The following ANKRD30B variants were observed in gnomAD, a reference collection of about 807,000 sequenced individuals.
ANKRD30B encodes the protein ankyrin repeat domain-containing protein 30B.
ANKRD30B carries 144 observed loss-of-function variants against 202.2 expected under a neutral mutation model. That is an observed-to-expected ratio of 0.71 (90% CI 0.62 to 0.82). The LOEUF (loss-of-function observed/expected upper bound fraction) is 0.82, where lower values mean the gene tolerates loss of function less well. ANKRD30B is among the 40% of genes least tolerant of loss of function. The pLI is 0.00. For missense variants in ANKRD30B, 1,487 were observed against 1,669.1 expected (o/e 0.89, Z 1.90); for synonymous variants, 508 against 561.3 (o/e 0.91, Z 1.34).
At chr18:14,790,602 G>A (rs553498735) in intron 15 of ANKRD30B, among the ~76,000 whole-genome samples, 1 of 152,240 alleles carries the variant, frequency 6.6e-6, no homozygotes, top group Admixed American at 6.5e-5. Flanking sequence ...AGCATGAAGG[G>A]TTGTTGAATT....
the ANKRD30B span, among the ~76,000 whole-genome samples, chr18:14,911,071 G>T: frequency 4.6e-5 from 7 of 151,892 alleles, no homozygotes; most frequent in Admixed American, 3.9e-4. Flanking sequence ...TCTGTAGGTT[G>T]TCTGTTTACT....
intron 14 of ANKRD30B, among the ~76,000 whole-genome samples, chr18:14,786,044 CAAAAAAAAAAAAA>C (rs10572502): frequency 2.8e-5 from 2 of 72,714 alleles, no homozygotes; most frequent in Admixed American, 4.8e-4. Flanking sequence ...GACTCCGTCT[CAAAAAAAAAAAAA>C]AAAAAAAAAA....
At chr18:14,753,071 C>T in intron 3 of ANKRD30B, 59 bp downstream of exon 3, 2 of 1,361,384 alleles carry the variant, frequency 1.5e-6, no homozygotes, top group East Asian at 2.5e-5. Context: ...TTAATGTTAA[C>T]ATATGTAAGG....
intron 15 of ANKRD30B, among the ~76,000 whole-genome samples, chr18:14,791,022 G>A (rs981215078): frequency 9.9e-5 from 15 of 152,172 alleles, no homozygotes; most frequent in African/African-American, 3.6e-4. Context: ...ATCTGGTCCT[G>A]GACTCTTTTT....
At chr18:14,819,503 G>T (rs565762890) in intron 30 of ANKRD30B, among the ~76,000 whole-genome samples, 1 of 151,770 alleles carries the variant, frequency 6.6e-6, no homozygotes, top group Non-Finnish European at 1.5e-5. Context: ...TAGGTCTAAC[G>T]TTTAAGTCTT....
At chr18:14,789,410 C>G (rs558939271) in intron 15 of ANKRD30B, among the ~76,000 whole-genome samples, 106 of 152,150 alleles carry the variant, frequency 7.0e-4, no homozygotes, top group Middle Eastern at 3.4e-3. Flanking sequence ...TCCCATTTGT[C>G]AATTTTGGCT....
At chr18:14,856,531 T>C (rs1366457791), downstream of ANKRD30B, among the ~76,000 whole-genome samples, 36 of 114,722 alleles carry the variant, frequency 3.1e-4, no homozygotes, top group Admixed American at 4.3e-4. Flanking sequence ...ACCTCCCAGA[T>C]GATGGGCAGC....
the ANKRD30B span, among the ~76,000 whole-genome samples, chr18:14,892,584 C>A: frequency 3.3e-5 from 5 of 151,700 alleles, no homozygotes; most frequent in South Asian, 1.0e-3. Flanking sequence ...ACTAAAAATA[C>A]AAAAAATTAT....
At chr18:14,924,443 G>A in the ANKRD30B span, among the ~76,000 whole-genome samples, 10 of 152,278 alleles carry the variant, frequency 6.6e-5, no homozygotes, top group South Asian at 2.1e-4. Context: ...AAATAAGCAC[G>A]TGCTCCATGC....
At chr18:14,919,856 T>G in the ANKRD30B span, among the ~76,000 whole-genome samples, 4 of 152,204 alleles carry the variant, frequency 2.6e-5, no homozygotes, top group Non-Finnish European at 5.9e-5. Context: ...GTTCTGCACC[T>G]GGACTTAGGC....
At chr18:14,893,943 G>T in the ANKRD30B span, among the ~76,000 whole-genome samples, 5 of 150,456 alleles carry the variant, frequency 3.3e-5, no homozygotes, top group African/African-American at 9.8e-5. Flanking sequence ...TAGCATAATG[G>T]TAGAGTTCAA....
chr18:14,921,796 A>G, the ANKRD30B span, among the ~76,000 whole-genome samples: 2 of 152,206 alleles, frequency 1.3e-5, no homozygotes, highest in African/African-American at 4.8e-5. Context: ...GGCTCTGCCT[A>G]TTTCTCACCA....
In ANKRD30B at chr18:14,831,958, A is replaced by C. The variant is rs567474704; in HGVS notation, c.2847+503A>C. On this transcript the variant is annotated intron_variant, in intron 34 of 43. Coordinates refer to ENST00000690538, the MANE Select transcript of ANKRD30B (RefSeq NM_001367607.2). ...CAGTTCTGAAACTGTGCCACATAGC[A>C]TATAGGTTTTTTTGGCGCATATTAT... Among the ~76,000 whole-genome samples the C allele has an allele frequency of 5.9e-5, 9 of 152,328 alleles. No homozygotes were observed. In the South Asian group the frequency reaches 1.9e-3, roughly 32 times the overall value.
intron 34 of ANKRD30B, 179 bp from the exon 35 acceptor site, chr18:14,837,032 C>T: frequency 2.1e-6 from 1 of 477,754 alleles, no homozygotes; most frequent in Non-Finnish European, 3.8e-6. Context: ...CAGAATCTAT[C>T]TTCCATGTAT....
chr18:14,939,150 C>T, the ANKRD30B span, among the ~76,000 whole-genome samples: 1 of 152,172 alleles, frequency 6.6e-6, no homozygotes, highest in South Asian at 2.1e-4. Flanking sequence ...GTGCTTTGCC[C>T]AAGTAGGTCC....
At chr18:14,797,172 G>C (rs1968960453) in intron 18 of ANKRD30B, among the ~76,000 whole-genome samples, 1 of 152,046 alleles carries the variant, frequency 6.6e-6, no homozygotes, top group South Asian at 2.1e-4. Context: ...GCAAGATGAG[G>C]GCATTCATAG....
At chr18:14,831,194 A>C (rs1465308635) in intron 33 of ANKRD30B, among the ~76,000 whole-genome samples, 189 bp from the exon 34 acceptor site, 5 of 150,940 alleles carry the variant, frequency 3.3e-5, no homozygotes, top group Non-Finnish European at 7.4e-5. Context: ...AAAAAAAAAA[A>C]AAAAAACGAA....
chr18:14,770,829 G>A lies in ANKRD30B; in HGVS notation c.1257-1327G>A, dbSNP rs1408111808. Among the ~76,000 whole-genome samples, 6 of 150,334 alleles carry A rather than the reference G, an allele frequency of 4.0e-5. No homozygotes were observed. The East Asian group carries it at 7.8e-4, about 19-fold the overall frequency. ...TTCTATTGAAAGATAAAAAAAAAAA[G>A]AGCCACTGGGAAAGGTCTCTACAAT... On this transcript the variant is annotated intron_variant, in intron 8 of 43. Coordinates refer to ENST00000690538, the MANE Select transcript of ANKRD30B (RefSeq NM_001367607.2).
chr18:14,797,334 A>G (rs141173237), intron 18 of ANKRD30B, among the ~76,000 whole-genome samples: 1 of 152,234 alleles, frequency 6.6e-6, no homozygotes, highest in African/African-American at 2.4e-5. Context: ...ACATCCATTC[A>G]CAGGTTCTCT....
Sources: allele counts gnomAD v4.1 joint callset (sites outside exome capture counted in the v4.1 genomes callset), GRCh38; gene constraint gnomAD v4.1.1; transcripts MANE v1.5; gene names NCBI Gene and HGNC (gene_info 2026-07-23, HGNC 2026-07-21).